The following KIF21A variants were observed in gnomAD, a reference collection of about 807,000 sequenced individuals.
KIF21A encodes kinesin-like protein KIF21A.
In KIF21A, 114 loss-of-function variants were observed where a neutral mutation model predicts 202.9. That is an observed-to-expected ratio of 0.56 (90% CI 0.48 to 0.66). The LOEUF (loss-of-function observed/expected upper bound fraction) is 0.66. Among genes scored for constraint, KIF21A ranks in the 30% least tolerant of loss-of-function variants. The pLI, the probability that KIF21A is intolerant of heterozygous loss-of-function variation, is 0.00. For missense variants in KIF21A, 1,677 were observed against 1,994.9 expected (o/e 0.84, Z 3.04); for synonymous variants, 667 against 670.8 (o/e 0.99, Z 0.09).
rs267603450 is a variant in KIF21A at position 39,358,207 on chromosome 12, G to C, written c.1186C>G (p.Leu396Val). 1 of 1,614,004 alleles carries C rather than the reference G, an allele frequency of 6.2e-7. No homozygotes were observed. Among genetic ancestry groups the C allele is most frequent in the Admixed American group, 1.7e-5 (1 of 60,008 alleles). Reference sequence around the variant, plus strand: ...TTGTACTCCATGAGCTCCATCTGAAGTCGTGTGATTTCACTACGAAGTGCA... The same window carrying C: ...TTGTACTCCATGAGCTCCATCTGAACTCGTGTGATTTCACTACGAAGTGCA... ...INALRSEITR[L>V]QMELMEYKTG... The change falls in exon 8 of 38, where the codon CTT becomes GTT. Residue 396 changes from leucine (L) to valine (V), a missense_variant. Leu to Val is a conservative substitution (Grantham distance 32, BLOSUM62 1). This residue lies in a region of KIF21A where 966 missense variants were observed against 1,180.9 expected (regional missense o/e 0.82). Coordinates refer to ENST00000361418, the MANE Select transcript of KIF21A (RefSeq NM_001173464.2).
At chr12:39,400,093 A>G (rs1010131571) in intron 1 of KIF21A, among the ~76,000 whole-genome samples, 2 of 152,336 alleles carry the variant, frequency 1.3e-5, no homozygotes, top group East Asian at 3.9e-4. Flanking sequence ...AGAATGCTAC[A>G]CAAAAAATTC....
intron 1 of KIF21A, among the ~76,000 whole-genome samples, chr12:39,403,345 CTAAG>C (rs1023185733): frequency 6.6e-6 from 1 of 152,188 alleles, no homozygotes; most frequent in Non-Finnish European, 1.5e-5. Flanking sequence ...AATCAGCATA[CTAAG>C]TTTTTAATTA....
Position 39,442,919 on chromosome 12 carries a change from G to T in KIF21A, c.44+8C>A. 2.6e-6 allele frequency: 4 copies of T among 1,525,274 alleles called. No individual in the cohort carries two copies. The highest frequency in any genetic ancestry group is 3.5e-6 in the Non-Finnish European group (4 of 1,142,998). The allele number at this position is 1,525,274 out of a possible 1,614,324, so 94.5% of individuals were successfully genotyped here. A position where few individuals can be genotyped will look rare whatever the true frequency, so the allele number is the denominator to read the frequency against. ...GCCCGCCGCCCGCCGCCGGCAGACT[G>T]TCCTCACCTGACAGCCACCCGCACG... On this transcript the variant is annotated splice_region_variant and intron_variant, in intron 1 of 37. Transcript: ENST00000361418. The surrounding 1 kb of genome is among the most constrained non-coding windows in gnomAD (Gnocchi z 5.0).
intron 1 of KIF21A, among the ~76,000 whole-genome samples, chr12:39,387,163 C>CACAT (rs780608438): frequency 8.7e-5 from 4 of 45,828 alleles, no homozygotes; most frequent in Non-Finnish European, 1.2e-4. Context: ...GCAGTAGTTA[C>CACAT]ACACACACAC....
At chr12:39,322,619 T>A (rs1316323600) in intron 27 of KIF21A, 49 bp downstream of exon 27, 1 of 1,413,366 alleles carries the variant, frequency 7.1e-7, no homozygotes, top group South Asian at 1.2e-5. Flanking sequence ...GCATACTTTT[T>A]TTTTTAAAGC....
chr12:39,301,594 C>T lies in KIF21A; in HGVS notation c.4817G>A (p.Gly1606Asp), dbSNP rs766876071. 1.2e-6 allele frequency: 2 copies of T among 1,614,052 alleles called. No individual in the cohort carries two copies. Among genetic ancestry groups the T allele is most frequent in the South Asian group, 1.1e-5 (1 of 91,080 alleles). ...HPVLLSGCRG[G>D]ILKVWNMDTF... ...ATCCATGTTCCAGACTTTCAAAATG[C>T]CCCCTCTGCAGCCACTGAGCAAAAC... The change falls in exon 37 of 38, where the codon GGC becomes GAC. Residue 1606 changes from glycine (G) to aspartate (D), a missense_variant. Transcript: ENST00000361418.
rs544253176 is a variant in KIF21A at position 39,294,252 on chromosome 12, G to T, written c.*172C>A. 9 of 610,984 alleles carry T rather than the reference G, an allele frequency of 1.5e-5. No homozygotes were observed. Among genetic ancestry groups the T allele is most frequent in the Non-Finnish European group, 2.7e-5 (9 of 333,660 alleles). The allele number at this position is 610,984 out of a possible 1,614,324, so 37.8% of individuals were successfully genotyped here. ...GGTTGATCTTAAAACTAAGCACACA[G>T]GATAGTACACAATTTTATTAGAATA... On this transcript the variant is annotated 3_prime_UTR_variant, in exon 38 of 38. Coordinates refer to ENST00000361418, the MANE Select transcript of KIF21A (RefSeq NM_001173464.2).
chr12:39,438,161 G>C (rs1939080395), intron 1 of KIF21A, among the ~76,000 whole-genome samples: 1 of 152,006 alleles, frequency 6.6e-6, no homozygotes, highest in Non-Finnish European at 1.5e-5. Context: ...TATCTGATAG[G>C]ATTTTAATGT....
At chr12:39,329,824 GTA>G (rs3039316) in intron 24 of KIF21A, among the ~76,000 whole-genome samples, 3 of 150,436 alleles carry the variant, frequency 2.0e-5, no homozygotes, top group Non-Finnish European at 3.0e-5. Flanking sequence ...AAACAGATAA[GTA>G]TATATATATA....
chr12:39,372,142 T>C (rs1178423440), intron 1 of KIF21A, among the ~76,000 whole-genome samples: 1 of 152,054 alleles, frequency 6.6e-6, no homozygotes, highest in African/African-American at 2.4e-5. Flanking sequence ...GTCTAACTCT[T>C]TCCAGTTCAT....
At chr12:39,401,144 T>C (rs1455860996) in intron 1 of KIF21A, among the ~76,000 whole-genome samples, 1 of 151,970 alleles carries the variant, frequency 6.6e-6, no homozygotes, top group Non-Finnish European at 1.5e-5. Flanking sequence ...CCTTTAAAAA[T>C]GCAAGATAAA....
Position 39,370,264 on chromosome 12 carries a change from G to C in KIF21A, c.45-3C>G. On this transcript the variant is annotated splice_polypyrimidine_tract_variant and splice_region_variant and intron_variant, in intron 1 of 37. Transcript: ENST00000361418. The stretch of plus-strand genomic sequence containing the variant: ...CTTTGGCAAGCTGTGGTCTTATTCT[G>C]TGAGAAATAATCAGAAAAGAAAAAA... 1 of 1,596,616 alleles carries C rather than the reference G, an allele frequency of 6.3e-7. No individual in the cohort carries two copies.
intron 16 of KIF21A, among the ~76,000 whole-genome samples, chr12:39,339,953 A>G (rs1466704005): frequency 1.3e-5 from 2 of 152,208 alleles, no homozygotes; most frequent in African/African-American, 4.8e-5. Flanking sequence ...AGAAGCCCTG[A>G]TGAGCACATG....
Position 39,340,277 on chromosome 12 carries a change from T to C in KIF21A, c.2198A>G (p.Gln733Arg). 1 of 1,613,140 alleles carries C rather than the reference T, an allele frequency of 6.2e-7. No homozygotes were observed. Among genetic ancestry groups the C allele is most frequent in the Non-Finnish European group, 8.5e-7 (1 of 1,179,514 alleles). The change falls in exon 16 of 38, where the codon CAG (glutamine) becomes CGG (arginine). Residue 733 changes from glutamine (Q) to arginine (R), a missense_variant. By Grantham distance (43) the Gln-to-Arg change is conservative (BLOSUM62 1). Coordinates refer to ENST00000361418, the MANE Select transcript of KIF21A (RefSeq NM_001173464.2). ...KKLQAMNKELQRLQAAQKEHA... is the reference protein window; with the variant it reads ...KKLQAMNKELRRLQAAQKEHA... The stretch of plus-strand genomic sequence containing the variant: ...TTCTTTTTGAGCTGCTTGAAGTCTC[T>C]GCAGTTCTTTGTTCATGGCTTGGAG...
At chr12:39,374,893 A>G (rs1950172065) in intron 1 of KIF21A, among the ~76,000 whole-genome samples, 1 of 152,150 alleles carries the variant, frequency 6.6e-6, no homozygotes, top group South Asian at 2.1e-4. Context: ...GGTTGAATAA[A>G]CTACTTTTTT....
intron 1 of KIF21A, among the ~76,000 whole-genome samples, chr12:39,436,621 C>T (rs1350337577): frequency 3.9e-5 from 5 of 127,226 alleles, no homozygotes; most frequent in African/African-American, 1.6e-4. Flanking sequence ...CAGCTTTAAA[C>T]ATTTTTAATA....
intron 24 of KIF21A, among the ~76,000 whole-genome samples, chr12:39,327,394 C>G (rs1461132869): frequency 6.6e-6 from 1 of 152,090 alleles, no homozygotes; most frequent in Non-Finnish European, 1.5e-5. Context: ...CAATATGTAT[C>G]TCATTAGAGG....
At chr12:39,440,196 C>G (rs1305544435) in intron 1 of KIF21A, among the ~76,000 whole-genome samples, 1 of 152,124 alleles carries the variant, frequency 6.6e-6, no homozygotes, top group Admixed American at 6.5e-5. Context: ...CTGTGAAAGC[C>G]ACTCATTTGT....
chr12:39,350,253 G>C (rs181353418), intron 11 of KIF21A, among the ~76,000 whole-genome samples: 2 of 151,654 alleles, frequency 1.3e-5, no homozygotes, highest in African/African-American at 4.8e-5. Context: ...AGTCACAACC[G>C]CTATTAAAAT....
Sources: allele counts gnomAD v4.1 joint callset (sites outside exome capture counted in the v4.1 genomes callset), GRCh38; gene constraint gnomAD v4.1.1; regional missense constraint gnomAD v4.1.1; non-coding constraint Gnocchi (gnomAD v3.1); transcripts MANE v1.5; gene names NCBI Gene and HGNC (gene_info 2026-07-23, HGNC 2026-07-21).